OSBPL10: variants seen among roughly 807,000 people sequenced by gnomAD.
OSBPL10 encodes the protein oxysterol-binding protein-related protein 10.
OSBPL10 carries 49 observed loss-of-function variants against 81.7 expected under a neutral mutation model. The ratio of observed to expected loss-of-function variants is 0.60; its 90% confidence interval spans 0.48 to 0.76. OSBPL10 has a LOEUF of 0.76. Among genes scored for constraint, OSBPL10 ranks in the 30% least tolerant of loss-of-function variants. The pLI, the probability that OSBPL10 is intolerant of heterozygous loss-of-function variation, is 0.00. For missense variants in OSBPL10, 923 were observed against 987.8 expected, an observed-to-expected ratio of 0.93 and a Z score of 0.88; for synonymous variants, 419 against 383.6, an observed-to-expected ratio of 1.09 and a Z score of -1.08.
At chr3:31,736,410 A>C (rs1420017313) in intron 5 of OSBPL10, among the ~76,000 whole-genome samples, 1 of 152,218 alleles carries the variant, frequency 6.6e-6, no homozygotes, top group Admixed American at 6.5e-5. Context: ...CTAAAGATGC[A>C]CTAATACCAG....
intron 6 of OSBPL10, among the ~76,000 whole-genome samples, chr3:31,723,341 G>C (rs1301089946): frequency 6.6e-6 from 1 of 152,224 alleles, no homozygotes; most frequent in Non-Finnish European, 1.5e-5. Context: ...GCCTTGGCCA[G>C]GGCTGCTCCA....
chr3:31,664,748 C>T (rs1217204154), intron 10 of OSBPL10: 1 of 173,744 alleles, frequency 5.8e-6, no homozygotes, highest in Non-Finnish European at 1.3e-5. Context: ...ACAAGGGAAC[C>T]TGGAATTAGG....
At chr3:31,823,787 T>C (rs994546957) in intron 4 of OSBPL10, among the ~76,000 whole-genome samples, 1 of 152,190 alleles carries the variant, frequency 6.6e-6, no homozygotes. Context: ...ATTCATACTG[T>C]GCACATTTCG....
chr3:32,057,606 C>G (rs1456923827), intron 1 of OSBPL10, among the ~76,000 whole-genome samples: 1 of 152,180 alleles, frequency 6.6e-6, no homozygotes, highest in African/African-American at 2.4e-5. Flanking sequence ...ATAAAACCAT[C>G]AGATCTCATG....
At chr3:31,730,439 T>C (rs1696938995) in intron 6 of OSBPL10, among the ~76,000 whole-genome samples, 3 of 152,156 alleles carry the variant, frequency 2.0e-5, no homozygotes, top group South Asian at 4.1e-4. Context: ...AAGTAAGGCA[T>C]ACATGATGAA....
rs923980980 is a variant in OSBPL10, at chr3:32,030,703, C to A, written n.298+15788G>T. 2.6e-5 allele frequency: 20 copies of A among 762,930 alleles called. No individual in the cohort carries two copies. In the Admixed American group the frequency reaches 2.7e-4, roughly 10 times the overall value. 47.3% of individuals were successfully genotyped at this position (762,930 alleles called of 1,614,324 possible). ...ATAGGTGTTAAAAAAAATAAAAGAC[C>A]TCTGGACTGTAAAAATAAATAAATA... On this transcript the variant is annotated intron_variant and non_coding_transcript_variant, in intron 2 of 3. Coordinates refer to the OSBPL10 transcript ENST00000479173.
At chr3:32,046,149 G>A (rs1699619719) in intron 2 of OSBPL10, among the ~76,000 whole-genome samples, 1 of 152,242 alleles carries the variant, frequency 6.6e-6, no homozygotes, top group Non-Finnish European at 1.5e-5. Flanking sequence ...GGAGGCCAAG[G>A]AGGGAGGATC....
chr3:31,830,065 G>C lies in OSBPL10; in HGVS notation c.704C>G (p.Ser235Cys). 6.2e-7 allele frequency: 1 copy of C among 1,613,734 alleles called. No homozygotes were observed. Among genetic ancestry groups the C allele is most frequent in the East Asian group, 2.2e-5 (1 of 44,860 alleles). The change falls in exon 4 of 12, where the codon TCC becomes TGC. Residue 235 changes from serine (S) to cysteine (C), a missense_variant. By Grantham distance (112) the Ser-to-Cys change is moderately radical. This residue lies in a region of OSBPL10 where 514 missense variants were observed against 508.0 expected (regional missense o/e 1.01). Transcript: ENST00000396556. ...AAARRAKSQY[S>C]GQLHEVREMM... ...CTCTCTGACTTCGTGAAGCTGGCCG[G>C]AATACTGACTCTTGGCTCTTCGGGC...
At chr3:31,961,158 T>A (rs1698150317) in intron 1 of OSBPL10, among the ~76,000 whole-genome samples, 1 of 150,374 alleles carries the variant, frequency 6.7e-6, no homozygotes, top group Admixed American at 6.7e-5. Flanking sequence ...AATCAAGTTC[T>A]GAAGCTCTCC....
chr3:31,866,089 G>GA (rs926594318), intron 3 of OSBPL10, among the ~76,000 whole-genome samples: 1 of 152,132 alleles, frequency 6.6e-6, no homozygotes, highest in African/African-American at 2.4e-5. Flanking sequence ...CCCAGGGCGG[G>GA]AAAAAGTCAA....
intron 7 of OSBPL10, among the ~76,000 whole-genome samples, chr3:31,688,607 C>T (rs1035692461): frequency 6.6e-6 from 1 of 152,122 alleles, no homozygotes; most frequent in Non-Finnish European, 1.5e-5. Flanking sequence ...TGAGAGACAC[C>T]TTTGTTTCCT....
intron 7 of OSBPL10, among the ~76,000 whole-genome samples, chr3:31,690,379 G>GGTCAA (rs1412242048): frequency 6.6e-6 from 1 of 152,110 alleles, no homozygotes; most frequent in South Asian, 2.1e-4. Flanking sequence ...CTGCAAAACT[G>GGTCAA]GTCAATTAAA....
At chr3:31,764,264 T>C (rs1001593401) in intron 4 of OSBPL10, among the ~76,000 whole-genome samples, 1 of 152,226 alleles carries the variant, frequency 6.6e-6, no homozygotes, top group East Asian at 1.9e-4. Context: ...ATAACGAATA[T>C]AGTTCCACAT....
intron 7 of OSBPL10, chr3:31,700,206 G>C (rs1575484591): frequency 6.6e-6 from 1 of 152,156 alleles, no homozygotes; most frequent in East Asian, 1.9e-4. Flanking sequence ...CTGAGTATTG[G>C]GAGAAATGCA....
At chr3:31,961,047 C>CTTTTTTTTTTTTTTTTTTTTT (rs35027814) in intron 1 of OSBPL10, among the ~76,000 whole-genome samples, 1 of 113,024 alleles carries the variant, frequency 8.8e-6, no homozygotes, top group African/African-American at 3.3e-5. Context: ...AAGCTACAGC[C>CTTTTTTTTTTTTTTTTTTTTT]TTTTTTTTTT....
At chr3:31,704,295 T>A (rs1323094953) in intron 6 of OSBPL10, 2 of 152,308 alleles carry the variant, frequency 1.3e-5, no homozygotes, top group Admixed American at 1.3e-4. Context: ...ATTTCCAGTC[T>A]ACGCTACGGA....
intron 7 of OSBPL10, among the ~76,000 whole-genome samples, chr3:31,691,897 T>A (rs17027988): frequency 0.051 from 7,730 of 152,024 alleles, 669 homozygotes; most frequent in African/African-American, 0.18. Flanking sequence ...TACACAAAAA[T>A]CCAATTTTAC....
intron 3 of OSBPL10, among the ~76,000 whole-genome samples, chr3:31,831,413 AAAAAAAGAAAAG>A (rs977468089): frequency 1.3e-5 from 2 of 151,970 alleles, no homozygotes; most frequent in African/African-American, 4.8e-5. Context: ...TCTCAAAAAA[AAAAAAAGAAAAG>A]AAAAAAGAAA....
intron 8 of OSBPL10, among the ~76,000 whole-genome samples, chr3:31,678,782 CTGTGTGTGTGTGTGTGTGTGTGTGTGTG>C (rs67616509): frequency 7.4e-5 from 10 of 135,540 alleles, no homozygotes; most frequent in Admixed American, 3.8e-4. Flanking sequence ...CAGATTCAAA[CTGTGTGTGTGTGTGTGTGTGTGTGTGTG>C]TGTGTGTGTG....
Sources: gnomAD v4.1 joint callset for allele counts (sites outside exome capture counted in the v4.1 genomes callset) on GRCh38, gnomAD v4.1.1 for gene constraint, gnomAD v4.1.1 regional missense constraint, MANE v1.5 for transcripts, NCBI Gene and HGNC (gene_info 2026-07-23, HGNC 2026-07-21) for gene names.